Variants in CATSPERB observed in about 807,000 individuals in gnomAD.
CATSPERB encodes the protein catsper channel auxiliary subunit beta.
Under a neutral mutation model 128.3 loss-of-function variants are expected in CATSPERB, and 93 were observed. That is an observed-to-expected ratio of 0.72 (90% confidence interval 0.61 to 0.86). The LOEUF (loss-of-function observed/expected upper bound fraction) is 0.86. Among genes scored for constraint, CATSPERB ranks in the 40% least tolerant of loss-of-function variants. CATSPERB has a pLI of 0.00. For missense variants in CATSPERB, 1,153 were observed against 1,329.5 expected, an observed-to-expected ratio of 0.87 and a Z score of 2.06; for synonymous variants, 381 against 448.8, an observed-to-expected ratio of 0.85 and a Z score of 1.91.
chr14:91,589,452 G>A (rs1396418591), intron 24 of CATSPERB, 82 bp downstream of exon 24: 3 of 1,373,556 alleles, frequency 2.2e-6, no homozygotes, highest in Non-Finnish European at 3.0e-6. Context: ...GTGTGAACAG[G>A]CTTTGAAAAC....
At chr14:91,722,393 C>T (rs1322521543) in intron 4 of CATSPERB, among the ~76,000 whole-genome samples, 2 of 152,078 alleles carry the variant, frequency 1.3e-5, no homozygotes, top group African/African-American at 2.4e-5. Flanking sequence ...CTGAAAGAAG[C>T]CAGTCATGAA....
At chr14:91,645,763 T>G (rs1179364809) in intron 15 of CATSPERB, among the ~76,000 whole-genome samples, 1 of 146,740 alleles carries the variant, frequency 6.8e-6, no homozygotes, top group Non-Finnish European at 1.5e-5. Context: ...GCTGCTTTGT[T>G]TACCTAAGCA....
rs1894051135 is a variant in CATSPERB at position 91,621,824 on chromosome 14, T to C, written c.2044A>G (p.Thr682Ala). The C allele has an allele frequency of 2.4e-5, 38 of 1,614,140 alleles. No homozygotes were observed. Among genetic ancestry groups the C allele is most frequent in the Non-Finnish European group, 3.1e-5 (37 of 1,179,966 alleles). The change falls in exon 19 of 27, where the codon ACC becomes GCC. Residue 682 changes from threonine to alanine, a missense_variant. Transcript: ENST00000256343. ...LDNKNALAIA[T>A]MPESAPNNMT... ...TTGTTGGGTGCACTTTCAGGCATGGTAGCAATGGCTAATGCATTCTTATTA... is the reference window on the plus strand; with the variant it reads ...TTGTTGGGTGCACTTTCAGGCATGGCAGCAATGGCTAATGCATTCTTATTA...
chr14:91,599,776 G>A (rs1893579505), intron 22 of CATSPERB, among the ~76,000 whole-genome samples: 1 of 152,040 alleles, frequency 6.6e-6, no homozygotes, highest in Admixed American at 6.6e-5. Flanking sequence ...AGTGGGGAGG[G>A]AGCTTCCAGG....
At position 91,725,164 on chromosome 14, in the gene CATSPERB, A is replaced by G; in HGVS notation, c.84T>C (p.Asp28=). 6.7e-7 allele frequency: 1 copy of G among 1,497,700 alleles called. No homozygotes were observed. The highest frequency in any genetic ancestry group is 2.4e-5 in the East Asian group (1 of 41,924). The allele number at this position is 1,497,700 out of a possible 1,614,324, so 92.8% of individuals were successfully genotyped here. ...TAGAACATGCAAAGCGTTTCTCTGT[A>G]TCATCTAAATAATAAAAAAAATACA... The part of the protein sequence containing the change: ...FSSGIVYNKD[D]TEKRFACSNK... The change falls in exon 3 of 27, where the codon GAT becomes GAC. Residue 28 remains aspartate (D), a synonymous_variant. Transcript: ENST00000256343.
intron 11 of CATSPERB, among the ~76,000 whole-genome samples, chr14:91,677,747 C>T (rs1437513131): frequency 1.3e-5 from 2 of 152,200 alleles, no homozygotes; most frequent in African/African-American, 4.8e-5. Flanking sequence ...ACTATAAAGG[C>T]ACATGCGCAT....
rs1466905360 is a variant in CATSPERB at position 91,639,251 on chromosome 14, C to G, written c.1433-1G>C. The G allele has an allele frequency of 1.2e-6, 2 of 1,612,096 alleles. No homozygotes were observed. Among genetic ancestry groups the G allele is most frequent in the Non-Finnish European group, 8.5e-7 (1 of 1,179,118 alleles). ...CCGACTGCACTGTATCTTCCCATTC[C>G]TATTAGGAAATACAGAGAAGTGTCT... On this transcript the variant is annotated splice_acceptor_variant, in intron 15 of 26. Coordinates refer to ENST00000256343, the MANE Select transcript of CATSPERB (RefSeq NM_024764.4). LOFTEE classifies it high-confidence loss of function.
At chr14:91,693,541 G>T in intron 7 of CATSPERB, 62 bp from the exon 8 acceptor site, 1 of 1,214,788 alleles carries the variant, frequency 8.2e-7, no homozygotes, top group Non-Finnish European at 1.2e-6. Flanking sequence ...CACCTTCAGG[G>T]GCAAGAGCCC....
At chr14:91,600,622 C>G (rs1310406906) in intron 22 of CATSPERB, among the ~76,000 whole-genome samples, 2 of 152,222 alleles carry the variant, frequency 1.3e-5, no homozygotes, top group Non-Finnish European at 2.9e-5. Flanking sequence ...GAGGCTAATT[C>G]TGCAAAATAA....
intron 11 of CATSPERB, among the ~76,000 whole-genome samples, chr14:91,679,805 A>G (rs1249220128): frequency 1.3e-5 from 2 of 152,150 alleles, no homozygotes; most frequent in African/African-American, 4.8e-5. Context: ...AAGTCTGTAA[A>G]TCTTTTTATG....
intron 12 of CATSPERB, among the ~76,000 whole-genome samples, 178 bp downstream of exon 12, chr14:91,673,998 C>T (rs1286598809): frequency 1.3e-5 from 2 of 152,192 alleles, no homozygotes; most frequent in Non-Finnish European, 2.9e-5. Context: ...TTGCTTAGGT[C>T]CTGATTAACA....
chr14:91,583,350 CG>C (rs34135452), intron 26 of CATSPERB, among the ~76,000 whole-genome samples: 106,358 of 151,870 alleles, frequency 0.7, 37,719 homozygotes, highest in East Asian at 0.96. Flanking sequence ...ACCCGGGAGG[CG>C]GAACTTGCAG....
chr14:91,609,872 C>T (rs1003810419), intron 21 of CATSPERB, among the ~76,000 whole-genome samples: 1 of 152,172 alleles, frequency 6.6e-6, no homozygotes, highest in East Asian at 1.9e-4. Context: ...AGGCGCGTGC[C>T]ACCGTGCCGG....
Position 91,617,756 on chromosome 14 carries a change from A to G in CATSPERB, c.2261-20T>C, listed in dbSNP as rs1893970986. 6.5e-7 allele frequency: 1 copy of G among 1,534,508 alleles called. No homozygotes were observed. Among genetic ancestry groups the G allele is most frequent in the Non-Finnish European group, 8.9e-7 (1 of 1,126,750 alleles). On this transcript the variant is annotated intron_variant, in intron 19 of 26. Coordinates refer to ENST00000256343, the MANE Select transcript of CATSPERB (RefSeq NM_024764.4). Reference sequence around the variant, plus strand: ...GAAAACCTATGGAAACAAGGTTAACAGTTAATATTAGATAATGAAAACTGT... The same window carrying G: ...GAAAACCTATGGAAACAAGGTTAACGGTTAATATTAGATAATGAAAACTGT...
At chr14:91,669,720 A>T in intron 14 of CATSPERB, 94 bp downstream of exon 14, 1 of 1,219,962 alleles carries the variant, frequency 8.2e-7, no homozygotes, top group Non-Finnish European at 1.1e-6. Flanking sequence ...TCTCTAGGTC[A>T]TCAGAGAAGC....
intron 22 of CATSPERB, among the ~76,000 whole-genome samples, chr14:91,597,550 C>T (rs184031881): frequency 1.3e-5 from 2 of 152,178 alleles, no homozygotes; most frequent in East Asian, 3.9e-4. Context: ...CATAGGGATC[C>T]ATATACTGGT....
chr14:91,661,551 A>ATATATATAT (rs1555362525), intron 14 of CATSPERB, among the ~76,000 whole-genome samples: 1 of 148,056 alleles, frequency 6.8e-6, no homozygotes, highest in African/African-American at 2.5e-5. Flanking sequence ...ATATATATTT[A>ATATATATAT]AGACAGGGTC....
At position 91,659,544 on chromosome 14, in the gene CATSPERB, G is replaced by A. The variant is rs554207374; in HGVS notation, c.1432+293C>T. On this transcript the variant is annotated intron_variant, in intron 15 of 26. Transcript: ENST00000256343. ...AGTTGTTCTGAATATCAGATGAGAT[G>A]ATATTTGTAACATGCTGAGCACAAT... Among the ~76,000 whole-genome samples the A allele has an allele frequency of 3.9e-4, 59 of 152,308 alleles. No individual in the cohort carries two copies. The South Asian group carries it at 5.8e-3, about 15-fold the overall frequency.
At chr14:91,634,435 A>G (rs1400452436) in intron 17 of CATSPERB, among the ~76,000 whole-genome samples, 1 of 151,998 alleles carries the variant, frequency 6.6e-6, no homozygotes, top group Non-Finnish European at 1.5e-5. Context: ...TATCTACTTA[A>G]AAATATTTAT....
Sources: gnomAD v4.1 joint callset for allele counts (sites outside exome capture counted in the v4.1 genomes callset) on GRCh38, gnomAD v4.1.1 for gene constraint, MANE v1.5 for transcripts, NCBI Gene and HGNC (gene_info 2026-07-23, HGNC 2026-07-21) for gene names.